The following CASR variants were observed in gnomAD, a reference collection of about 807,000 sequenced individuals.
The protein encoded by CASR is calcium sensing receptor, also known as extracellular calcium-sensing receptor.
In CASR, 23 loss-of-function variants were observed where a neutral mutation model predicts 69.1. The ratio of observed to expected loss-of-function variants is 0.33; its 90% confidence interval spans 0.24 to 0.47. The LOEUF (loss-of-function observed/expected upper bound fraction) is 0.47. CASR is among the 20% of genes least tolerant of loss of function. The pLI is 1.00. For missense variants in CASR, 924 were observed against 1,356.1 expected, an observed-to-expected ratio of 0.68 and a Z score of 5.00; for synonymous variants, 541 against 544.7, an observed-to-expected ratio of 0.99 and a Z score of 0.10.
intron 1 of CASR, among the ~76,000 whole-genome samples, chr3:122,248,117 G>T (rs761529126): frequency 2.0e-5 from 3 of 152,160 alleles, no homozygotes; most frequent in Non-Finnish European, 2.9e-5. Context: ...AAGGGTGACC[G>T]GGCAATTTGT....
intron 1 of CASR, among the ~76,000 whole-genome samples, chr3:122,186,103 G>A (rs1048824916): frequency 6.6e-6 from 1 of 151,936 alleles, no homozygotes; most frequent in Non-Finnish European, 1.5e-5. Flanking sequence ...CAGAGTGGTT[G>A]AAATTAAATT....
intron 1 of CASR, among the ~76,000 whole-genome samples, chr3:122,197,106 T>G (rs1248566938): frequency 2.6e-5 from 4 of 152,198 alleles, no homozygotes; most frequent in African/African-American, 9.7e-5. Context: ...GACCAACATC[T>G]CTTTGGACTT....
chr3:122,203,760 T>TTGGCCGGGCGCGGTGGCTCACGCC (rs2073979830), intron 1 of CASR, among the ~76,000 whole-genome samples: 1 of 152,058 alleles, frequency 6.6e-6, no homozygotes, highest in African/African-American at 2.4e-5. Flanking sequence ...AATAAAGTAA[T>TTGGCCGGGCGCGGTGGCTCACGCC]TGTACTATGA....
At chr3:122,243,569 TTGG>T (rs1386776506) in intron 1 of CASR, among the ~76,000 whole-genome samples, 1 of 152,068 alleles carries the variant, frequency 6.6e-6, no homozygotes, top group Non-Finnish European at 1.5e-5. Flanking sequence ...TCATACGCTG[TTGG>T]TGGGAATAAA....
chr3:122,257,120 A>C lies in CASR; in HGVS notation c.225A>C (p.Ile75=). ...FRGFRWLQAM[I]FAIEEINSSP... ...GGTTTCGCTGGTTACAGGCTATGAT[A>C]TTTGCCATAGAGGAGATAAACAGCA... Residue 75 remains isoleucine, a synonymous_variant, in exon 3 of 7, where the codon ATA becomes ATC. Coordinates refer to ENST00000639785, the MANE Select transcript of CASR (RefSeq NM_000388.4). 6.2e-7 allele frequency: 1 copy of C among 1,614,028 alleles called. No homozygotes were observed. The highest frequency in any genetic ancestry group is 8.5e-7 in the Non-Finnish European group (1 of 1,179,964).
intron 1 of CASR, among the ~76,000 whole-genome samples, chr3:122,228,291 AC>A (rs1394252683): frequency 2.6e-5 from 4 of 152,232 alleles, no homozygotes; most frequent in Non-Finnish European, 5.9e-5. Context: ...GTTTCACTGT[AC>A]ATGCTATTTC....
rs140096571 is a variant in CASR at position 122,249,343 on chromosome 3, C to T, written c.-242-4605C>T. Among the ~76,000 whole-genome samples, 150 of 152,336 alleles carry T rather than the reference C, an allele frequency of 9.8e-4. 1 individual carries two copies. Among genetic ancestry groups the T allele is most frequent in the African/African-American group, 3.4e-3 (141 of 41,572 alleles). On this transcript the variant is annotated intron_variant, in intron 1 of 6. Coordinates refer to ENST00000639785, the MANE Select transcript of CASR (RefSeq NM_000388.4). ...TTTAGATCACCGTCCTTATAATGCG[C>T]CTTTCTGTCTCTTTTTAAACCTTGA...
At position 122,261,699 on chromosome 3, in the gene CASR, G is replaced by A. The variant is rs2107632066; in HGVS notation, c.664G>A (p.Gly222Arg). The A allele has an allele frequency of 6.2e-7, 1 of 1,614,236 alleles. No individual in the cohort carries two copies. Among genetic ancestry groups the A allele is most frequent in the South Asian group, 1.1e-5 (1 of 91,086 alleles). ...IAADDDYGRP[G>R]IEKFREEAEE... ...AGCTGATGACGACTATGGGCGGCCGGGGATTGAGAAATTCCGAGAGGAAGC... is the reference window on the plus strand; with the variant it reads ...AGCTGATGACGACTATGGGCGGCCGAGGATTGAGAAATTCCGAGAGGAAGC... The change falls in exon 4 of 7, where the codon GGG (glycine) becomes AGG (arginine). Residue 222 changes from glycine to arginine, a missense_variant. Gly to Arg is a moderately radical substitution (Grantham distance 125). Transcript: ENST00000639785.
chr3:122,203,865 TG>T lies in CASR; in HGVS notation c.-243+20054del, dbSNP rs1255639800. On this transcript the variant is annotated intron_variant, in intron 1 of 6. Coordinates refer to ENST00000639785, the MANE Select transcript of CASR (RefSeq NM_000388.4). Reference sequence around the variant, plus strand: ...CATGGTATATGCAGTTTGTAGTGTATGACTATATTTAGATTTTCTTTAATGT... The same window carrying T: ...CATGGTATATGCAGTTTGTAGTGTATACTATATTTAGATTTTCTTTAATGT... 1.8e-4 allele frequency among the ~76,000 whole-genome samples: 27 copies of T among 152,250 alleles called. 1 individual carries two copies. The highest frequency in any genetic ancestry group is 1.4e-3 in the Admixed American group (21 of 15,294).
Position 122,262,428 on chromosome 3 carries a change from A to G in CASR, c.1377+16A>G. 1.2e-6 allele frequency: 2 copies of G among 1,607,458 alleles called. No homozygotes were observed. The highest frequency in any genetic ancestry group is 2.2e-5 in the South Asian group (2 of 91,074). ...GGCGTGGCAGGTGCGTCCTTCACTT[A>G]TATAGCAATTTGCTGTATAATAAAG... On this transcript the variant is annotated intron_variant, in intron 4 of 6. Coordinates refer to ENST00000639785, the MANE Select transcript of CASR (RefSeq NM_000388.4).
intron 2 of CASR, among the ~76,000 whole-genome samples, 169 bp from the exon 3 acceptor site, chr3:122,256,912 C>T (rs578000851): frequency 3.3e-5 from 5 of 152,324 alleles, no homozygotes; most frequent in East Asian, 1.9e-4. Context: ...TGAGCCACCA[C>T]GCCCGGCCAT....
chr3:122,232,023 G>T (rs2074283673), intron 1 of CASR, among the ~76,000 whole-genome samples: 1 of 152,060 alleles, frequency 6.6e-6, no homozygotes, highest in African/African-American at 2.4e-5. Flanking sequence ...CGTGGGGATG[G>T]GATCATCAGA....
chr3:122,275,866 A>G lies in CASR; in HGVS notation c.1432A>G (p.Thr478Ala). ...TACAAACAATATGGGGGAGCAGGTG[A>G]CCTTTGATGAGTGTGGTGACCTGGT... ...NFTNNMGEQV[T>A]FDECGDLVGN... The change falls in exon 5 of 7, where the codon ACC (threonine) becomes GCC (alanine). Residue 478 changes from threonine (T) to alanine (A), a missense_variant. By Grantham distance (58) the Thr-to-Ala change is moderately conservative. Coordinates refer to ENST00000639785, the MANE Select transcript of CASR (RefSeq NM_000388.4). 6.2e-7 allele frequency: 1 copy of G among 1,614,020 alleles called. No homozygotes were observed. Among genetic ancestry groups the G allele is most frequent in the Non-Finnish European group, 8.5e-7 (1 of 1,179,974 alleles).
At chr3:122,191,591 C>T (rs2107580274) in intron 1 of CASR, among the ~76,000 whole-genome samples, 1 of 152,262 alleles carries the variant, frequency 6.6e-6, no homozygotes, top group Non-Finnish European at 1.5e-5. Flanking sequence ...GGATTACAGG[C>T]ATAAGCCACC....
intron 6 of CASR, 129 bp from the exon 7 acceptor site, chr3:122,283,558 T>C (rs2074918904): frequency 1.3e-6 from 1 of 747,100 alleles, no homozygotes; most frequent in Non-Finnish European, 2.4e-6. Flanking sequence ...ATCAGAATGA[T>C]TTCATCAAAA....
At chr3:122,228,433 AC>A (rs1356780464) in intron 1 of CASR, among the ~76,000 whole-genome samples, 3 of 152,222 alleles carry the variant, frequency 2.0e-5, no homozygotes, top group Non-Finnish European at 4.4e-5. Flanking sequence ...ATCTTTGCAC[AC>A]CAAGCCTCAC....
At chr3:122,275,737 G>C in intron 4 of CASR, 75 bp from the exon 5 acceptor site, 4 of 952,736 alleles carry the variant, frequency 4.2e-6, no homozygotes, top group Non-Finnish European at 6.9e-6. Context: ...TACCGTTGTT[G>C]TGCAGGGCAC....
At chr3:122,277,550 G>T (rs759998415) in intron 5 of CASR, among the ~76,000 whole-genome samples, 2 of 152,162 alleles carry the variant, frequency 1.3e-5, no homozygotes, top group Non-Finnish European at 2.9e-5. Flanking sequence ...CAGAGGGTGG[G>T]TTCTTAATTA....
intron 1 of CASR, among the ~76,000 whole-genome samples, chr3:122,232,664 C>T (rs2074289475): frequency 6.6e-6 from 1 of 152,116 alleles, no homozygotes; most frequent in African/African-American, 2.4e-5. Flanking sequence ...TGGCTGTGGG[C>T]TGTTGGCAAG....
Sources: gnomAD v4.1 joint callset for allele counts (sites outside exome capture counted in the v4.1 genomes callset) on GRCh38, gnomAD v4.1.1 for gene constraint, MANE v1.5 for transcripts, NCBI Gene and HGNC (gene_info 2026-07-23, HGNC 2026-07-21) for gene names.